The following KLHL18 variants were observed in gnomAD, a reference collection of about 807,000 sequenced individuals.
The protein encoded by KLHL18 is kelch like family member 18, also known as kelch-like protein 18.
A neutral mutation model predicts 58.5 loss-of-function variants in KLHL18; 38 were observed. The observed-to-expected ratio is 0.65, with a 90% confidence interval of 0.50 to 0.85. The LOEUF (loss-of-function observed/expected upper bound fraction) is 0.85. Among genes scored for constraint, KLHL18 ranks in the 40% least tolerant of loss-of-function variants. The probability of loss-of-function intolerance (pLI) is 0.00; values close to 1 mark genes in which losing one functional copy is unlikely to be tolerated. For synonymous variants in KLHL18, 303 were observed against 301.9 expected, an observed-to-expected ratio of 1.00 and a Z score of -0.04; for missense variants, 624 against 778.4, an observed-to-expected ratio of 0.80 and a Z score of 2.36.
At chr3:47,338,974 G>A (rs775466029) in intron 7 of KLHL18, among the ~76,000 whole-genome samples, 1 of 152,222 alleles carries the variant, frequency 6.6e-6, no homozygotes, top group Non-Finnish European at 1.5e-5. Context: ...AAGGCGTTGT[G>A]TAGGAGGGAA....
rs1335349156 is a variant in KLHL18 at position 47,282,998 on chromosome 3, T to G, written c.33T>G (p.Asp11Glu). 3 of 1,611,124 alleles carry G rather than the reference T, an allele frequency of 1.9e-6. No homozygotes were observed. Among genetic ancestry groups the G allele is most frequent in the African/African-American group, 1.3e-5 (1 of 74,832 alleles). Residue 11 changes from aspartate to glutamate, a missense_variant, in exon 1 of 10, where the codon GAT (aspartate) becomes GAG (glutamate). By Grantham distance (45) the Asp-to-Glu change is conservative. Coordinates refer to ENST00000232766, the MANE Select transcript of KLHL18 (RefSeq NM_025010.5). MVEDGAEELE[D>E]LVHFSVSELP... ...AGGACGGCGCGGAGGAGCTGGAGGA[T>G]CTGGTGCACTTCTCCGTGTCTGAGT...
intron 1 of KLHL18, among the ~76,000 whole-genome samples, chr3:47,288,875 C>T (rs1019655102): frequency 2.0e-5 from 3 of 152,248 alleles, no homozygotes; most frequent in Non-Finnish European, 4.4e-5. Flanking sequence ...TGGACGCTCT[C>T]ATCCCTTCTT....
chr3:47,319,264 T>G (rs1187124731), intron 1 of KLHL18, among the ~76,000 whole-genome samples: 1 of 152,248 alleles, frequency 6.6e-6, no homozygotes, highest in African/African-American at 2.4e-5. Flanking sequence ...ACCATTTGTC[T>G]AGTCCATCTG....
At chr3:47,297,822 A>G (rs1268020324) in intron 1 of KLHL18, 1 of 350,520 alleles carries the variant, frequency 2.9e-6, no homozygotes. Flanking sequence ...TGGGAAGAAT[A>G]TTCAGCCTGG....
Position 47,292,057 on chromosome 3 carries a change from C to G in KLHL18, c.129+8963C>G, listed in dbSNP as rs372027207. ...TGATGGCTCTTACGTTCCAGTGAAACAGACAGTCTGTGTTCAGGGCCTTGA... is the reference window on the plus strand; with the variant it reads ...TGATGGCTCTTACGTTCCAGTGAAAGAGACAGTCTGTGTTCAGGGCCTTGA... On this transcript the variant is annotated intron_variant, in intron 1 of 9. Coordinates refer to ENST00000232766, the MANE Select transcript of KLHL18 (RefSeq NM_025010.5). 2.6e-4 allele frequency among the ~76,000 whole-genome samples: 39 copies of G among 150,522 alleles called. 1 individual carries two copies. The highest frequency in any genetic ancestry group is 1.6e-3 in the Admixed American group (22 of 13,760).
chr3:47,330,727 A>G (rs1286926396), intron 4 of KLHL18, among the ~76,000 whole-genome samples: 1 of 152,156 alleles, frequency 6.6e-6, no homozygotes, highest in Non-Finnish European at 1.5e-5. Flanking sequence ...GCAAGCATAG[A>G]TAATTTTTTT....
chr3:47,298,490 AT>A (rs1362765228), intron 1 of KLHL18, among the ~76,000 whole-genome samples: 2 of 152,140 alleles, frequency 1.3e-5, no homozygotes, highest in African/African-American at 4.8e-5. Flanking sequence ...CAAAAACATC[AT>A]TTATTCGACA....
chr3:47,306,535 T>C (rs1703151889), intron 1 of KLHL18, among the ~76,000 whole-genome samples: 1 of 152,152 alleles, frequency 6.6e-6, no homozygotes, highest in Non-Finnish European at 1.5e-5. Flanking sequence ...CTCTCAGTGG[T>C]TATTTAGGTG....
In KLHL18 at chr3:47,308,093, A is replaced by G. The variant is rs190442456; in HGVS notation, c.130-11560A>G. On this transcript the variant is annotated intron_variant, in intron 1 of 9. Transcript: ENST00000232766. ...CTTTATGATTCAAATATGTGCATCA[A>G]TAAAAGTATGGATTACTACTTATCA... Among the ~76,000 whole-genome samples, 246 of 152,312 alleles carry G rather than the reference A, an allele frequency of 1.6e-3. 2 individuals carry two copies. Among genetic ancestry groups the G allele is most frequent in the Non-Finnish European group, 4.9e-4 (33 of 68,030 alleles).
In KLHL18 at chr3:47,333,209, C is replaced by T. The variant is rs138465345; in HGVS notation, c.653C>T (p.Pro218Leu). The change falls in exon 5 of 10, where the codon CCC (proline) becomes CTC (leucine). Residue 218 changes from proline (P) to leucine (L), a missense_variant. Pro to Leu is a moderately conservative substitution (Grantham distance 98). Transcript: ENST00000232766. ...WVRYDREQRG[P>L]YLPELLSNIR... ...AGATACGACCGGGAGCAGAGGGGTC[C>T]CTACCTGCCTGAGCTGCTGTCCAAT... The T allele has an allele frequency of 3.9e-5, 63 of 1,613,988 alleles. No homozygotes were observed. Among genetic ancestry groups the T allele is most frequent in the Non-Finnish European group, 5.1e-5 (60 of 1,180,026 alleles).
At chr3:47,291,442 A>G (rs1396667414) in intron 1 of KLHL18, among the ~76,000 whole-genome samples, 1 of 152,254 alleles carries the variant, frequency 6.6e-6, no homozygotes, top group Non-Finnish European at 1.5e-5. Flanking sequence ...AGGTGCGTGA[A>G]CTAAGAGTTA....
At chr3:47,343,428 G>A in intron 9 of KLHL18, 127 bp from the exon 10 acceptor site, 1 of 1,096,300 alleles carries the variant, frequency 9.1e-7, no homozygotes, top group Non-Finnish European at 1.3e-6. Flanking sequence ...TACTGGGAGA[G>A]CTCCTTGTCC....
At chr3:47,300,168 A>T (rs1702985049) in intron 1 of KLHL18, among the ~76,000 whole-genome samples, 1 of 132,082 alleles carries the variant, frequency 7.6e-6, no homozygotes, top group African/African-American at 2.9e-5. Context: ...CTTATCCCTC[A>T]CCTTCTCTCT....
At chr3:47,302,211 G>T (rs1703041633) in intron 1 of KLHL18, among the ~76,000 whole-genome samples, 1 of 152,258 alleles carries the variant, frequency 6.6e-6, no homozygotes, top group African/African-American at 2.4e-5. Flanking sequence ...CAATGGCTGG[G>T]CATGGTAGCT....
intron 1 of KLHL18, among the ~76,000 whole-genome samples, chr3:47,300,239 C>A (rs946929582): frequency 6.7e-6 from 1 of 148,740 alleles, no homozygotes; most frequent in African/African-American, 2.5e-5. Context: ...CTCGGGAAAA[C>A]CCTGACTAAT....
intron 1 of KLHL18, among the ~76,000 whole-genome samples, chr3:47,310,797 C>T (rs1198838596): frequency 1.3e-5 from 2 of 152,336 alleles, no homozygotes; most frequent in Admixed American, 1.3e-4. Context: ...CACAGCAGTT[C>T]TAAGGTCAGC....
intron 1 of KLHL18, among the ~76,000 whole-genome samples, chr3:47,304,219 A>C (rs1255663579): frequency 6.6e-6 from 1 of 152,200 alleles, no homozygotes; most frequent in Admixed American, 6.5e-5. Flanking sequence ...GAATAATATC[A>C]TCTATAGCTA....
At chr3:47,343,438 C>T in intron 9 of KLHL18, 117 bp from the exon 10 acceptor site, 1 of 1,257,072 alleles carries the variant, frequency 8.0e-7, no homozygotes, top group Non-Finnish European at 1.1e-6. Flanking sequence ...GCTCCTTGTC[C>T]CCATACCTCC....
At chr3:47,310,637 C>G (rs563229727) in intron 1 of KLHL18, among the ~76,000 whole-genome samples, 3 of 152,332 alleles carry the variant, frequency 2.0e-5, no homozygotes, top group African/African-American at 7.2e-5. Flanking sequence ...TTGTCCAAAA[C>G]TTTATTTGGT....
Sources: gnomAD v4.1 joint callset for allele counts (sites outside exome capture counted in the v4.1 genomes callset) on GRCh38, gnomAD v4.1.1 for gene constraint, MANE v1.5 for transcripts, NCBI Gene and HGNC (gene_info 2026-07-23, HGNC 2026-07-21) for gene names.